Variants in EPG5 observed in about 807,000 individuals in gnomAD.
EPG5 encodes ectopic P granules protein 5 homolog.
EPG5 carries 159 observed loss-of-function variants against 302.7 expected under a neutral mutation model. The ratio of observed to expected loss-of-function variants is 0.53; its 90% CI spans 0.46 to 0.60. EPG5 has a LOEUF of 0.60. Ranked by LOEUF, EPG5 falls within the 20% of genes least tolerant of loss-of-function variation. The pLI is 0.00. For synonymous variants in EPG5, 1,158 were observed against 1,136.8 expected, an observed-to-expected ratio of 1.02 and a Z score of -0.37; for missense variants, 2,896 against 3,092.4, an observed-to-expected ratio of 0.94 and a Z score of 1.51.
intron 25 of EPG5, among the ~76,000 whole-genome samples, chr18:45,902,091 C>T (rs1268418297): frequency 6.6e-6 from 1 of 152,174 alleles, no homozygotes; most frequent in Non-Finnish European, 1.5e-5. Flanking sequence ...GTCAAGTCAA[C>T]AAGTACTTAA....
rs2048730349 is a variant in EPG5 at position 45,865,698 on chromosome 18, T to C, written c.6683A>G (p.Glu2228Gly). ...TGCTAAGGTGATTTTTCCATTTTGT[T>C]CCAGGGTGCTGAGGAATTGAACCAT... ...HQMVQFLSTLEQNGKITLAVL... is the reference protein window; with the variant it reads ...HQMVQFLSTLGQNGKITLAVL... The change falls in exon 39 of 44, where the codon GAA becomes GGA. Residue 2228 changes from glutamate to glycine, a missense_variant. Glu to Gly is a moderately conservative substitution (Grantham distance 98, BLOSUM62 -2). Coordinates refer to ENST00000282041, the MANE Select transcript of EPG5 (RefSeq NM_020964.3). 1 of 1,613,308 alleles carries C rather than the reference T, an allele frequency of 6.2e-7. No individual in the cohort carries two copies. Among genetic ancestry groups the C allele is most frequent in the African/African-American group, 1.3e-5 (1 of 74,586 alleles).
At position 45,954,875 on chromosome 18, in the gene EPG5, T is replaced by C. The variant is rs764384617; in HGVS notation, c.527A>G (p.Gln176Arg). 4 of 1,614,136 alleles carry C rather than the reference T, an allele frequency of 2.5e-6. No homozygotes were observed. The highest frequency in any genetic ancestry group is 3.4e-6 in the Non-Finnish European group (4 of 1,179,994). ...GCCTTGTTTGTCTTCTTTACTATTCTGAGTTTCTCTGACTTGTATATTTTC... is the reference window on the plus strand; with the variant it reads ...GCCTTGTTTGTCTTCTTTACTATTCCGAGTTTCTCTGACTTGTATATTTTC... ...AMENIQVRET[Q>R]NSKEDKQGLV... Residue 176 changes from glutamine (Q) to arginine (R), a missense_variant, in exon 2 of 44, where the codon CAG becomes CGG. This residue lies in a region of EPG5 where 1,390 missense variants were observed against 1,430.0 expected (regional missense o/e 0.97). Coordinates refer to ENST00000282041, the MANE Select transcript of EPG5 (RefSeq NM_020964.3).
chr18:45,858,661 G>GACT lies in EPG5; in HGVS notation c.7130_7131insAGT (p.Val2377dup). On this transcript the variant is annotated inframe_insertion, in exon 41 of 44. Transcript: ENST00000282041. Reference sequence around the variant, plus strand: ...CGCTGTTTAAACACTGAAGCAAGTAGACGTAAAGAGTCAAGTAACTGCCCA... The same window carrying GACT: ...CGCTGTTTAAACACTGAAGCAAGTAGACTACGTAAAGAGTCAAGTAACTGCCCA... 6.2e-7 allele frequency: 1 copy of GACT among 1,614,142 alleles called. No individual in the cohort carries two copies. Among genetic ancestry groups the GACT allele is most frequent in the South Asian group, 1.1e-5 (1 of 91,082 alleles).
Position 45,954,794 on chromosome 18 carries a change from G to C in EPG5, c.608C>G (p.Ala203Gly). The stretch of plus-strand genomic sequence containing the variant: ...TCTAGGTGTCTGAAAACCATGTTTG[G>C]CTGGGCAAGAACTCTGCAAGCCAAC... ...QNVGLQSSCP[A>G]KHGFQTPRVK... The change falls in exon 2 of 44, where the codon GCC becomes GGC. Residue 203 changes from alanine (A) to glycine (G), a missense_variant. Physicochemically the swap from Ala to Gly is moderately conservative, Grantham distance 60 (BLOSUM62 0). Coordinates refer to ENST00000282041, the MANE Select transcript of EPG5 (RefSeq NM_020964.3). 6.2e-7 allele frequency: 1 copy of C among 1,613,962 alleles called. No homozygotes were observed. The highest frequency in any genetic ancestry group is 1.1e-5 in the South Asian group (1 of 91,034).
At position 45,858,561 on chromosome 18, in the gene EPG5, C is replaced by T. The variant is rs1254966919; in HGVS notation, c.7226+5G>A. ...TTTGATGTAACAGCCTGAGGGCCAA[C>T]GTACCTTGGGTACACCTGTTCCAGC... On this transcript the variant is annotated splice_donor_5th_base_variant and intron_variant, in intron 41 of 43. Transcript: ENST00000282041. 6 of 1,611,810 alleles carry T rather than the reference C, an allele frequency of 3.7e-6. No homozygotes were observed. The South Asian group carries it at 5.5e-5, about 15-fold the overall frequency.
At chr18:45,853,424 T>C (rs2145153600) in intron 43 of EPG5, among the ~76,000 whole-genome samples, 1 of 152,298 alleles carries the variant, frequency 6.6e-6, no homozygotes, top group East Asian at 1.9e-4. Context: ...AGAGACTGTA[T>C]ATGGAGAAAA....
the EPG5 span, among the ~76,000 whole-genome samples, chr18:45,814,666 A>T: frequency 2.0e-5 from 3 of 152,220 alleles, no homozygotes; most frequent in Non-Finnish European, 4.4e-5. Context: ...AAGGGTCCCT[A>T]GAGAGTCAGT....
At chr18:45,831,736 C>T in the EPG5 span, among the ~76,000 whole-genome samples, 1 of 135,738 alleles carries the variant, frequency 7.4e-6, no homozygotes, top group Non-Finnish European at 1.5e-5. Context: ...TGTCCAGGTA[C>T]CAACATCTTT....
At position 45,910,701 on chromosome 18, in the gene EPG5, C is replaced by G. The variant is rs1436046962; in HGVS notation, c.4025G>C (p.Ser1342Thr). 4 of 1,614,002 alleles carry G rather than the reference C, an allele frequency of 2.5e-6. No homozygotes were observed. Among genetic ancestry groups the G allele is most frequent in the African/African-American group, 1.3e-5 (1 of 74,914 alleles). The stretch of plus-strand genomic sequence containing the variant: ...TTTCAACAAATTGATATGAGCAGGA[C>G]TTTGAAAAAACCTTCTTCCAATACA... ...DGCIGRRFFQSPAHINLLKEM... is the reference protein window; with the variant it reads ...DGCIGRRFFQTPAHINLLKEM... The change falls in exon 23 of 44, where the codon AGT becomes ACT. Residue 1342 changes from serine to threonine, a missense_variant. Physicochemically the swap from Ser to Thr is moderately conservative, Grantham distance 58 (BLOSUM62 1). Coordinates refer to ENST00000282041, the MANE Select transcript of EPG5 (RefSeq NM_020964.3).
chr18:45,804,454 T>G, the EPG5 span, among the ~76,000 whole-genome samples: 1 of 152,012 alleles, frequency 6.6e-6, no homozygotes, highest in African/African-American at 2.4e-5. Context: ...TCAAGTTAAA[T>G]AAAAGAAAAA....
chr18:45,954,725 T>C lies in EPG5; in HGVS notation c.677A>G (p.Glu226Gly). The change falls in exon 2 of 44, where the codon GAA becomes GGA. Residue 226 changes from glutamate to glycine, a missense_variant. Coordinates refer to ENST00000282041, the MANE Select transcript of EPG5 (RefSeq NM_020964.3). ...YPQLPAEIAGEAPALVAVKPL... is the reference protein window; with the variant it reads ...YPQLPAEIAGGAPALVAVKPL... Reference sequence around the variant, plus strand: ...TTTCACTGCCACCAAAGCTGGTGCTTCTCCAGCAATTTCAGCTGGCAACTG... The same window carrying C: ...TTTCACTGCCACCAAAGCTGGTGCTCCTCCAGCAATTTCAGCTGGCAACTG... 8 of 1,614,080 alleles carry C rather than the reference T, an allele frequency of 5.0e-6. No homozygotes were observed. Among genetic ancestry groups the C allele is most frequent in the Non-Finnish European group, 6.8e-6 (8 of 1,180,010 alleles).
chr18:45,940,902 G>T (rs12957534), intron 9 of EPG5, among the ~76,000 whole-genome samples: 6 of 152,102 alleles, frequency 3.9e-5, no homozygotes, highest in South Asian at 2.1e-4. Context: ...GTTTGGGAAG[G>T]GGGGAGAGTG....
rs769194695 is a variant in EPG5, at chr18:45,879,005, T to C, written c.5869+8A>G. 7 of 1,612,304 alleles carry C rather than the reference T, an allele frequency of 4.3e-6. No homozygotes were observed. The highest frequency in any genetic ancestry group is 5.9e-6 in the Non-Finnish European group (7 of 1,178,510). On this transcript the variant is annotated splice_region_variant and intron_variant, in intron 33 of 43. Transcript: ENST00000282041. ...ACCTAGCTCCACATCGCATGAGAAG[T>C]ATATTACCTGTTTTCCTGCTGGCAG...
the EPG5 span, among the ~76,000 whole-genome samples, chr18:45,821,273 G>T: frequency 6.6e-6 from 1 of 152,198 alleles, no homozygotes; most frequent in Admixed American, 6.5e-5. Flanking sequence ...ATCCATGCAT[G>T]CACTATAAAG....
intron 34 of EPG5, 51 bp from the exon 35 acceptor site, chr18:45,876,393 T>C: frequency 1.4e-6 from 2 of 1,465,000 alleles, no homozygotes; most frequent in South Asian, 2.3e-5. Context: ...ATTAAAATAC[T>C]GTTAAGTCCC....
rs7242434 is a variant in EPG5 at position 45,907,761 on chromosome 18, C to T, written c.4329+197G>A. ...GCTTCAAGCCTTCAGGTAGAAGGCA[C>T]GGTGGGGCTGGAGATTCAAAAGGGA... On this transcript the variant is annotated intron_variant, in intron 24 of 43. Coordinates refer to ENST00000282041, the MANE Select transcript of EPG5 (RefSeq NM_020964.3). 7,811 of 465,228 alleles carry T rather than the reference C, an allele frequency of 0.017. 390 individuals are homozygous for T. The highest frequency in any genetic ancestry group is 0.12 in the African/African-American group (6,119 of 49,084). The allele number at this position is 465,228 out of a possible 1,614,324, so 28.8% of individuals were successfully genotyped here. A position where few individuals can be genotyped will look rare whatever the true frequency, so the allele number is the denominator to read the frequency against.
At chr18:45,900,913 G>T in intron 26 of EPG5, 83 bp downstream of exon 26, 1 of 1,458,986 alleles carries the variant, frequency 6.9e-7, no homozygotes, top group Non-Finnish European at 9.3e-7. Flanking sequence ...ATGCTGACAA[G>T]GAAGCCACTC....
chr18:45,808,142 A>T, the EPG5 span, among the ~76,000 whole-genome samples: 1 of 152,170 alleles, frequency 6.6e-6, no homozygotes, highest in Non-Finnish European at 1.5e-5. Flanking sequence ...CAGAGCTTGA[A>T]GACAAGGTCT....
intron 29 of EPG5, among the ~76,000 whole-genome samples, chr18:45,886,520 T>C (rs10163872): frequency 0.58 from 87,529 of 152,150 alleles, 25,605 homozygotes; most frequent in Non-Finnish European, 0.64. Flanking sequence ...CATATACATA[T>C]ACACAAATAG....
Sources: gnomAD v4.1 joint callset for allele counts (sites outside exome capture counted in the v4.1 genomes callset) on GRCh38, gnomAD v4.1.1 for gene constraint, gnomAD v4.1.1 regional missense constraint, MANE v1.5 for transcripts, NCBI Gene and HGNC (gene_info 2026-07-23, HGNC 2026-07-21) for gene names.